The following SEMA6D variants were observed in gnomAD, a reference collection of about 807,000 sequenced individuals.
SEMA6D encodes semaphorin-6D.
In SEMA6D, 35 loss-of-function variants were observed where a neutral mutation model predicts 106.6. The ratio of observed to expected loss-of-function variants is 0.33; its 90% CI spans 0.25 to 0.44. The LOEUF (loss-of-function observed/expected upper bound fraction) is 0.44. Ranked by LOEUF, SEMA6D falls within the 20% of genes least tolerant of loss-of-function variation. The pLI, the probability that SEMA6D is intolerant of heterozygous loss-of-function variation, is 1.00. For synonymous variants in SEMA6D, 499 were observed against 487.7 expected (o/e 1.02, Z -0.31); for missense variants, 1,185 against 1,345.9 (o/e 0.88, Z 1.87).
At chr15:47,450,760 A>C (rs1048354747) in intron 2 of SEMA6D, among the ~76,000 whole-genome samples, 1 of 152,088 alleles carries the variant, frequency 6.6e-6, no homozygotes, top group African/African-American at 2.4e-5. Flanking sequence ...GTCCCTTCTC[A>C]TTTGAAATAT....
At chr15:47,609,317 A>G (rs1228518353) in intron 4 of SEMA6D, among the ~76,000 whole-genome samples, 2 of 152,184 alleles carry the variant, frequency 1.3e-5, no homozygotes, top group African/African-American at 4.8e-5. Flanking sequence ...GCTGCAGTGG[A>G]AAAACCATGT....
At chr15:47,336,077 A>G (rs577669810) in intron 1 of SEMA6D, among the ~76,000 whole-genome samples, 2 of 152,322 alleles carry the variant, frequency 1.3e-5, no homozygotes, top group Non-Finnish European at 2.9e-5. Flanking sequence ...CTTCGGCTCA[A>G]CCCCTGGCTG....
At chr15:47,629,576 A>G (rs937468721) in intron 4 of SEMA6D, among the ~76,000 whole-genome samples, 1 of 151,998 alleles carries the variant, frequency 6.6e-6, no homozygotes, top group Non-Finnish European at 1.5e-5. Context: ...TTACATGTCA[A>G]TATAATTTCA....
At chr15:47,238,133 G>T (rs536365933) in intron 1 of SEMA6D, among the ~76,000 whole-genome samples, 1 of 152,094 alleles carries the variant, frequency 6.6e-6, no homozygotes, top group African/African-American at 2.4e-5. Context: ...GTCATATTTT[G>T]CCAAACAGTA....
intron 1 of SEMA6D, among the ~76,000 whole-genome samples, chr15:47,758,162 A>C (rs925413776): frequency 6.6e-6 from 1 of 152,162 alleles, no homozygotes; most frequent in Non-Finnish European, 1.5e-5. Flanking sequence ...CTGCTGCAAT[A>C]TATTATTCTC....
rs181656580 is a variant in SEMA6D, at chr15:47,400,399, G to A, written c.-238-11994G>A. Among the ~76,000 whole-genome samples the A allele has an allele frequency of 3.0e-3, 450 of 148,958 alleles. 1 individual carries two copies. The highest frequency in any genetic ancestry group is 0.011 in the African/African-American group (433 of 40,814). ...AGCTACTCTGGAGGCTGAGGCAGGA[G>A]AATTGATTGAACCCAGGAGGCAGAG... is the stretch of plus-strand genomic sequence containing the variant. On this transcript the variant is annotated intron_variant, in intron 1 of 19. Coordinates refer to the SEMA6D transcript ENST00000558014.
intron 1 of SEMA6D, among the ~76,000 whole-genome samples, chr15:47,191,849 T>C (rs1014404188): frequency 6.6e-6 from 1 of 152,112 alleles, no homozygotes; most frequent in Non-Finnish European, 1.5e-5. Flanking sequence ...GATAGTAGTC[T>C]CTGTTATAGA....
intron 4 of SEMA6D, among the ~76,000 whole-genome samples, chr15:47,646,194 C>G (rs988956783): frequency 2.0e-5 from 3 of 152,148 alleles, no homozygotes; most frequent in Admixed American, 1.3e-4. Flanking sequence ...GACCAGCCCC[C>G]ATCCTGAAGC....
At chr15:47,764,138 C>T (rs145594630) in intron 10 of SEMA6D, 36 bp from the exon 11 acceptor site, 14 of 1,612,634 alleles carry the variant, frequency 8.7e-6, no homozygotes, top group African/African-American at 8.0e-5. Context: ...GGCTTCATGT[C>T]GCCAGCCTCT....
At chr15:47,532,801 C>A (rs957465892) in intron 3 of SEMA6D, among the ~76,000 whole-genome samples, 7 of 152,140 alleles carry the variant, frequency 4.6e-5, no homozygotes, top group Non-Finnish European at 8.8e-5. Flanking sequence ...GCTGAATATT[C>A]CATATCTGAG....
intron 3 of SEMA6D, among the ~76,000 whole-genome samples, chr15:47,545,178 G>C (rs1475657125): frequency 1.3e-5 from 2 of 152,072 alleles, no homozygotes; most frequent in East Asian, 3.9e-4. Flanking sequence ...AATACTTTAG[G>C]ATTCTGAAGG....
intron 1 of SEMA6D, chr15:47,274,282 T>C (rs751299354): frequency 3.9e-5 from 6 of 152,160 alleles, no homozygotes; most frequent in Non-Finnish European, 7.4e-5. Flanking sequence ...AACTTGCCTG[T>C]AAAGCTACTT....
intron 1 of SEMA6D, among the ~76,000 whole-genome samples, chr15:47,366,517 G>T (rs2039035604): frequency 6.6e-6 from 1 of 152,208 alleles, no homozygotes; most frequent in Non-Finnish European, 1.5e-5. Flanking sequence ...TTACACTGCA[G>T]GCCCTAAGAC....
At chr15:47,327,774 G>A (rs1194823050) in intron 1 of SEMA6D, among the ~76,000 whole-genome samples, 2 of 152,146 alleles carry the variant, frequency 1.3e-5, no homozygotes, top group African/African-American at 4.8e-5. Flanking sequence ...CTGCAAAACT[G>A]TCCATGTTTA....
intron 1 of SEMA6D, among the ~76,000 whole-genome samples, chr15:47,736,577 G>A (rs1596877131): frequency 6.6e-6 from 1 of 152,200 alleles, no homozygotes; most frequent in African/African-American, 2.4e-5. Flanking sequence ...TCGTGGTGAT[G>A]TAGGGTGATT....
chr15:47,428,799 T>C (rs981134674), intron 2 of SEMA6D, among the ~76,000 whole-genome samples: 4 of 152,006 alleles, frequency 2.6e-5, no homozygotes, highest in African/African-American at 7.2e-5. Flanking sequence ...GGGTTTCTTA[T>C]GATTTTTGTC....
chr15:47,672,585 T>C (rs2078159434), intron 4 of SEMA6D, among the ~76,000 whole-genome samples: 1 of 152,222 alleles, frequency 6.6e-6, no homozygotes, highest in Admixed American at 6.5e-5. Flanking sequence ...TAATTTATTC[T>C]GTCACCAGGT....
chr15:47,305,095 C>G (rs185289171), intron 1 of SEMA6D, among the ~76,000 whole-genome samples: 1 of 152,172 alleles, frequency 6.6e-6, no homozygotes, highest in Non-Finnish European at 1.5e-5. Flanking sequence ...CGTAAGTTCA[C>G]GGGCCTCTCT....
intron 1 of SEMA6D, chr15:47,395,823 A>T (rs186106549): frequency 8.0e-4 from 122 of 152,342 alleles, no homozygotes; most frequent in African/African-American, 2.6e-3. Flanking sequence ...CTTCACCTAC[A>T]TCTCATTTGT....
Sources: gnomAD v4.1 joint callset for allele counts (sites outside exome capture counted in the v4.1 genomes callset) on GRCh38, gnomAD v4.1.1 for gene constraint, MANE v1.5 for transcripts, NCBI Gene and HGNC (gene_info 2026-07-23, HGNC 2026-07-21) for gene names.